The following ZNF565 variants were observed in gnomAD, a reference collection of about 807,000 sequenced individuals.
ZNF565 encodes zinc finger protein 565.
A neutral mutation model predicts 39.4 loss-of-function variants in ZNF565; 27 were observed. The ratio of observed to expected loss-of-function variants is 0.69; its 90% CI spans 0.51 to 0.95. The LOEUF (loss-of-function observed/expected upper bound fraction) is 0.95. ZNF565 is among the 40% of genes least tolerant of loss of function. ZNF565 has a pLI of 0.00. For missense variants in ZNF565, 524 were observed against 621.1 expected (o/e 0.84, Z 1.66); for synonymous variants, 185 against 216.6 (o/e 0.85, Z 1.28).
chr19:36,204,452 T>A (rs1361498740), intron 1 of ZNF565, among the ~76,000 whole-genome samples: 2 of 152,114 alleles, frequency 1.3e-5, no homozygotes, highest in Non-Finnish European at 2.9e-5. Flanking sequence ...TGATTTGGAA[T>A]GAGTTGTGTA....
At chr19:36,195,186 C>T (rs1222154165) in intron 2 of ZNF565, 30 bp from the exon 3 acceptor site, 3 of 1,576,926 alleles carry the variant, frequency 1.9e-6, no homozygotes, top group Non-Finnish European at 2.6e-6. Flanking sequence ...CATTAGTGTA[C>T]ATTAAGAAAC....
chr19:36,192,149 C>T (rs898771292), intron 4 of ZNF565, among the ~76,000 whole-genome samples: 3 of 151,892 alleles, frequency 2.0e-5, no homozygotes, highest in African/African-American at 4.8e-5. Context: ...CCACCACGCC[C>T]AGCTAATTTT....
At position 36,183,444 on chromosome 19, in the gene ZNF565, T is replaced by C. The variant is rs770567181; in HGVS notation, c.522A>G (p.Lys174=). 1.3e-5 allele frequency: 21 copies of C among 1,614,058 alleles called. No individual in the cohort carries two copies. The highest frequency in any genetic ancestry group is 1.7e-5 in the Non-Finnish European group (20 of 1,180,018). ...TAAGGTGTGAGCCACGGCTAAATGCTTTCCCACATTCATGACATTCCATCA... is the reference window on the plus strand; with the variant it reads ...TAAGGTGTGAGCCACGGCTAAATGCCTTCCCACATTCATGACATTCCATCA... ...EKLMECHECG[K]AFSRGSHLIQ... Residue 174 remains lysine (K), a synonymous_variant, in exon 5 of 5, where the codon AAA becomes AAG. Transcript: ENST00000304116.
At position 36,182,624 on chromosome 19, in the gene ZNF565, C is replaced by G. The variant is rs1342006114; in HGVS notation, c.1342G>C (p.Glu448Gln). Residue 448 changes from glutamate (E) to glutamine (Q), a missense_variant, in exon 5 of 5, where the codon GAA (glutamate) becomes CAA (glutamine). Coordinates refer to ENST00000304116, the MANE Select transcript of ZNF565 (RefSeq NM_152477.5). ...AAGGCCATTCCACACTCCCTGCATT[C>G]ATAGGGTTTCTCACAAGTGTGAATT... ...QRIHTCEKPYECRECGMAFIR... is the reference protein window; with the variant it reads ...QRIHTCEKPYQCRECGMAFIR... 1 of 1,614,070 alleles carries G rather than the reference C, an allele frequency of 6.2e-7. No homozygotes were observed. The highest frequency in any genetic ancestry group is 8.5e-7 in the Non-Finnish European group (1 of 1,179,964).
intron 1 of ZNF565, among the ~76,000 whole-genome samples, chr19:36,242,502 G>T (rs2918379): frequency 0.34 from 51,914 of 151,688 alleles, 9,352 homozygotes; most frequent in Middle Eastern, 0.48. Context: ...GCTGAGGTGG[G>T]TGGATCACGA....
intron 1 of ZNF565, among the ~76,000 whole-genome samples, chr19:36,241,097 A>G (rs1977791564): frequency 6.6e-6 from 1 of 152,236 alleles, no homozygotes; most frequent in African/African-American, 2.4e-5. Context: ...AGACTCAGGT[A>G]TTCTGTTATA....
In ZNF565 at chr19:36,182,457, C is replaced by T; in HGVS notation, c.*9G>A. On this transcript the variant is annotated 3_prime_UTR_variant, in exon 5 of 5. Transcript: ENST00000304116. The stretch of plus-strand genomic sequence containing the variant: ...AAGGCTTATCTTTATCCCTTACACT[C>T]AAGGCTTTCTAACCAGTATGAATTC... 1.3e-6 allele frequency: 2 copies of T among 1,545,284 alleles called. No individual in the cohort carries two copies. Among genetic ancestry groups the T allele is most frequent in the Non-Finnish European group, 1.7e-6 (2 of 1,147,714 alleles).
chr19:36,210,509 T>G (rs1451895282), intron 1 of ZNF565, among the ~76,000 whole-genome samples: 1 of 151,484 alleles, frequency 6.6e-6, no homozygotes, highest in East Asian at 1.9e-4. Context: ...AGATACTATA[T>G]GAACTCATGA....
chr19:36,241,484 TAAAAAA>T (rs34534450), intron 1 of ZNF565, among the ~76,000 whole-genome samples: 1 of 109,428 alleles, frequency 9.1e-6, no homozygotes, highest in Non-Finnish European at 1.9e-5. Flanking sequence ...GACTCTGTAT[TAAAAAA>T]AAAAAAAAAA....
intron 1 of ZNF565, among the ~76,000 whole-genome samples, chr19:36,241,762 AG>A (rs1977804840): frequency 7.2e-6 from 1 of 138,610 alleles, no homozygotes; most frequent in Non-Finnish European, 1.5e-5. Context: ...ACTGCACTCC[AG>A]CCTGGCAAGA....
rs778346165 is a variant in ZNF565, at chr19:36,182,973, A to G, written c.993T>C (p.Gly331=). ...ATTCCTTACACTCGTAGGGTTTCTCACCAGTGTGGATTCGCTGGTGTACAG... is the reference window on the plus strand; with the variant it reads ...ATTCCTTACACTCGTAGGGTTTCTCGCCAGTGTGGATTCGCTGGTGTACAG... ...QLTVHQRIHT[G]EKPYECKECG... Residue 331 remains glycine (G), a synonymous_variant, in exon 5 of 5, where the codon GGT becomes GGC. Transcript: ENST00000304116. 6.2e-7 allele frequency: 1 copy of G among 1,614,064 alleles called. No homozygotes were observed. The highest frequency in any genetic ancestry group is 1.1e-5 in the South Asian group (1 of 91,074).
upstream of ZNF565, among the ~76,000 whole-genome samples, chr19:36,215,824 G>C (rs1011299741): frequency 6.6e-6 from 1 of 152,058 alleles, no homozygotes; most frequent in Non-Finnish European, 1.5e-5. Context: ...ATATAACGGC[G>C]CCCAGGATGA....
chr19:36,221,507 C>A (rs1475986029), intron 1 of ZNF565, among the ~76,000 whole-genome samples: 1 of 152,048 alleles, frequency 6.6e-6, no homozygotes, highest in Non-Finnish European at 1.5e-5. Flanking sequence ...CCAGGATGAT[C>A]TTGATCTCCT....
intron 4 of ZNF565, among the ~76,000 whole-genome samples, chr19:36,192,201 C>A (rs1045781090): frequency 6.6e-5 from 10 of 151,876 alleles, no homozygotes; most frequent in South Asian, 4.2e-4. Context: ...ATTGGCCAGG[C>A]TGGTCTCGAA....
chr19:36,183,390 T>C lies in ZNF565; in HGVS notation c.576A>G (p.Glu192=). The change falls in exon 5 of 5, where the codon GAA becomes GAG. Residue 192 remains glutamate (E), a synonymous_variant. Transcript: ENST00000304116. ...CACATTCCTTACATCCAAAGGGTTT[T>C]TCACCAGTGTGAATTTTCTGATGTT... The part of the protein sequence containing the change: ...LIQHQKIHTG[E]KPFGCKECGK... The C allele has an allele frequency of 6.2e-7, 1 of 1,608,452 alleles. No homozygotes were observed. Among genetic ancestry groups the C allele is most frequent in the Non-Finnish European group, 8.5e-7 (1 of 1,174,998 alleles).
At chr19:36,220,485 C>T (rs1374468645) in intron 1 of ZNF565, among the ~76,000 whole-genome samples, 2 of 152,092 alleles carry the variant, frequency 1.3e-5, no homozygotes, top group African/African-American at 4.8e-5. Flanking sequence ...CTGCTTCAGC[C>T]TCCCGAGTAG....
chr19:36,220,277 T>A (rs1443130220), intron 1 of ZNF565, among the ~76,000 whole-genome samples: 4 of 152,154 alleles, frequency 2.6e-5, no homozygotes, highest in African/African-American at 9.6e-5. Context: ...TTTTTAAAAA[T>A]CATGAGTCCA....
intron 1 of ZNF565, among the ~76,000 whole-genome samples, chr19:36,226,900 A>G (rs1977091083): frequency 6.6e-6 from 1 of 151,862 alleles, no homozygotes; most frequent in Admixed American, 6.6e-5. Flanking sequence ...TCAGCCTAAC[A>G]CAGAGAAACT....
At chr19:36,202,071 G>C (rs776460233) in intron 1 of ZNF565, 21 bp from the exon 2 acceptor site, 2 of 1,413,252 alleles carry the variant, frequency 1.4e-6, no homozygotes, top group Non-Finnish European at 2.0e-6. Context: ...AAAATGGGGG[G>C]AGATGGGGTA....
Sources: gnomAD v4.1 joint callset for allele counts (sites outside exome capture counted in the v4.1 genomes callset) on GRCh38, gnomAD v4.1.1 for gene constraint, MANE v1.5 for transcripts, NCBI Gene and HGNC (gene_info 2026-07-23, HGNC 2026-07-21) for gene names.